The following CCT3 variants were observed in gnomAD, a reference collection of about 807,000 sequenced individuals.
CCT3 encodes the protein chaperonin containing TCP1 subunit 3.
In CCT3, 10 loss-of-function variants were observed where a neutral mutation model predicts 65.3. The ratio of observed to expected loss-of-function variants is 0.15; its 90% CI spans 0.09 to 0.26. The LOEUF (loss-of-function observed/expected upper bound fraction) is 0.26. Among genes scored for constraint, CCT3 ranks in the 10% least tolerant of loss-of-function variants. The pLI is 1.00. For missense variants in CCT3, 626 were observed against 708.7 expected (o/e 0.88, Z 1.33); for synonymous variants, 225 against 242.3 (o/e 0.93, Z 0.66).
intron 7 of CCT3, 48 bp from the exon 8 acceptor site, chr1:156,319,065 C>A: frequency 1.3e-6 from 2 of 1,493,550 alleles, no homozygotes; most frequent in Non-Finnish European, 1.8e-6. Flanking sequence ...GAGACAATTT[C>A]TTAATTTCCT....
chr1:156,325,727 A>G (rs1664773742), intron 5 of CCT3, among the ~76,000 whole-genome samples: 1 of 151,892 alleles, frequency 6.6e-6, no homozygotes, highest in Non-Finnish European at 1.5e-5. Context: ...ACATGCATGC[A>G]TCACCACACC....
At chr1:156,309,569 G>A (rs1385282478) in intron 13 of CCT3, among the ~76,000 whole-genome samples, 1 of 151,914 alleles carries the variant, frequency 6.6e-6, no homozygotes, top group African/African-American at 2.4e-5. Context: ...TGGGATTACA[G>A]GCCTGCACCA....
At chr1:156,321,119 C>A in intron 6 of CCT3, 94 bp from the exon 7 acceptor site, 1 of 982,314 alleles carries the variant, frequency 1.0e-6, no homozygotes, top group Non-Finnish European at 1.5e-6. Context: ...AATAATGGAC[C>A]AAGAGGCAGA....
intron 10 of CCT3, among the ~76,000 whole-genome samples, chr1:156,315,023 A>AC (rs1371273779): frequency 1.3e-5 from 2 of 152,162 alleles, no homozygotes; most frequent in African/African-American, 2.4e-5. Flanking sequence ...ATGTATTTCC[A>AC]TTGAGTTACA....
At chr1:156,322,506 A>T (rs1037803461) in intron 6 of CCT3, among the ~76,000 whole-genome samples, 1 of 152,000 alleles carries the variant, frequency 6.6e-6, no homozygotes, top group Non-Finnish European at 1.5e-5. Flanking sequence ...ACCCCAAAAA[A>T]ATTTTTTTAA....
At position 156,335,837 on chromosome 1, in the gene CCT3, T is replaced by C. The variant is rs377204556; in HGVS notation, c.83A>G (p.Asn28Ser). The change falls in exon 2 of 14, where the codon AAT (asparagine) becomes AGT (serine). Residue 28 changes from asparagine to serine, a missense_variant. Physicochemically the swap from Asn to Ser is conservative, Grantham distance 46. Transcript: ENST00000295688. ...SGRKVQSGNI[N>S]AAKTIADIIR... ...TAAAAGATTTGTGACCTTGGCAGCA[T>C]TGATGTTTCCAGATTGAACTTTTCT... is the stretch of plus-strand genomic sequence containing the variant. 1.3e-5 allele frequency: 21 copies of C among 1,613,870 alleles called. No homozygotes were observed. Among genetic ancestry groups the C allele is most frequent in the African/African-American group, 2.7e-5 (2 of 74,934 alleles).
intron 5 of CCT3, among the ~76,000 whole-genome samples, chr1:156,327,295 A>G (rs1013628921): frequency 1.7e-4 from 25 of 150,928 alleles, no homozygotes; most frequent in Admixed American, 4.6e-4. Context: ...CTCCCTCTCC[A>G]CGGTCTCCCT....
intron 1 of CCT3, among the ~76,000 whole-genome samples, chr1:156,336,917 TTTTTA>T (rs1329785091): frequency 6.6e-6 from 1 of 151,410 alleles, no homozygotes; most frequent in Non-Finnish European, 1.5e-5. Context: ...CAAAATAGCG[TTTTTA>T]TTTTATTTTT....
intron 6 of CCT3, among the ~76,000 whole-genome samples, chr1:156,321,871 C>A (rs1046097840): frequency 1.3e-5 from 2 of 152,130 alleles, no homozygotes; most frequent in African/African-American, 4.8e-5. Context: ...CAAAATCCCT[C>A]TTTTAACAGT....
At chr1:156,328,798 T>G (rs926843575) in intron 5 of CCT3, among the ~76,000 whole-genome samples, 1 of 151,944 alleles carries the variant, frequency 6.6e-6, no homozygotes, top group Non-Finnish European at 1.5e-5. Context: ...CCCTCCACTA[T>G]TGTCCTATGA....
chr1:156,321,022 G>C lies in CCT3; in HGVS notation c.426C>G (p.Ile142Met). The change falls in exon 7 of 14, where the codon ATC becomes ATG. Residue 142 changes from isoleucine to methionine, a missense_variant. By Grantham distance (10) the Ile-to-Met change is conservative (BLOSUM62 1). Coordinates refer to ENST00000295688, the MANE Select transcript of CCT3 (RefSeq NM_005998.5). Reference protein sequence around the residue: ...DMISTLKKISIPVDISDSDMM... With the variant: ...DMISTLKKISMPVDISDSDMM... ...TATCACTGTCACTGATGTCGACTGG[G>C]ATACTAGAGAAAAGAAAACCAGACG... is the stretch of plus-strand genomic sequence containing the variant. 1 of 1,611,238 alleles carries C rather than the reference G, an allele frequency of 6.2e-7. No individual in the cohort carries two copies. The highest frequency in any genetic ancestry group is 8.5e-7 in the Non-Finnish European group (1 of 1,177,764).
chr1:156,318,390 A>AT (rs1159118595), intron 8 of CCT3, among the ~76,000 whole-genome samples: 10 of 151,794 alleles, frequency 6.6e-5, no homozygotes, highest in Middle Eastern at 3.4e-3. Flanking sequence ...CGCCCAATTA[A>AT]TTTTTTTTAA....
chr1:156,334,502 C>G (rs1416607666), intron 4 of CCT3, among the ~76,000 whole-genome samples: 4 of 152,172 alleles, frequency 2.6e-5, no homozygotes, highest in Non-Finnish European at 4.4e-5. Flanking sequence ...TCCCTAGAGA[C>G]TTCAGAAGGA....
At chr1:156,321,166 A>G in intron 6 of CCT3, 141 bp from the exon 7 acceptor site, 1 of 650,244 alleles carries the variant, frequency 1.5e-6, no homozygotes, top group Non-Finnish European at 2.6e-6. Context: ...AACTAAAAGG[A>G]CATTAGGAGG....
At chr1:156,316,861 G>C (rs1385445591) in intron 10 of CCT3, among the ~76,000 whole-genome samples, 1 of 152,162 alleles carries the variant, frequency 6.6e-6, no homozygotes, top group Non-Finnish European at 1.5e-5. Context: ...TCATCATAAT[G>C]ACATTAAAGA....
intron 5 of CCT3, among the ~76,000 whole-genome samples, chr1:156,329,254 T>C (rs919174027): frequency 6.6e-6 from 1 of 151,788 alleles, no homozygotes; most frequent in Non-Finnish European, 1.5e-5. Flanking sequence ...GAAGTCTGCA[T>C]AGTAATGAGA....
intron 12 of CCT3, 59 bp downstream of exon 12, chr1:156,310,891 C>A: frequency 6.3e-7 from 1 of 1,577,552 alleles, no homozygotes; most frequent in Non-Finnish European, 8.6e-7. Flanking sequence ...GAATCTTCCC[C>A]TCAGGGCAAA....
At chr1:156,333,718 G>A (rs1012108946) in intron 4 of CCT3, 75 bp from the exon 5 acceptor site, 8 of 1,107,542 alleles carry the variant, frequency 7.2e-6, no homozygotes, top group Non-Finnish European at 1.1e-5. Context: ...CCTAACTCTT[G>A]GGCTTCTTGC....
rs58926932 is a variant in CCT3, at chr1:156,313,350, G to GAAAAAAAA, written c.975-1137_975-1130dup. Among the ~76,000 whole-genome samples, 366 of 106,750 alleles carry GAAAAAAAA rather than the reference G, an allele frequency of 3.4e-3. 2 individuals are homozygous for GAAAAAAAA. Among genetic ancestry groups the GAAAAAAAA allele is most frequent in the African/African-American group, 8.9e-3 (274 of 30,878 alleles). The allele number at this position is 106,750 out of a possible 152,430, so 70.0% of individuals were successfully genotyped here. On this transcript the variant is annotated intron_variant, in intron 10 of 13. Coordinates refer to ENST00000295688, the MANE Select transcript of CCT3 (RefSeq NM_005998.5). ...TAAGATTCTGTCTCAAAAAAAAAAA[G>GAAAAAAAA]AAAAAAAAAAAAAGAGAGAGAGAGA...
Sources: gnomAD v4.1 joint callset for allele counts (sites outside exome capture counted in the v4.1 genomes callset) on GRCh38, gnomAD v4.1.1 for gene constraint, MANE v1.5 for transcripts, NCBI Gene and HGNC (gene_info 2026-07-23, HGNC 2026-07-21) for gene names.